The following ENTREP2 variants were observed in gnomAD, a reference collection of about 807,000 sequenced individuals.
ENTREP2 encodes the protein protein ENTREP2.
the ENTREP2 span, chr15:29,196,681 C>T: frequency 8.3e-7 from 1 of 1,206,878 alleles, no homozygotes; most frequent in Non-Finnish European, 1.1e-6. Context: ...GAGCCTGTTT[C>T]AGTGTGTTTA....
the ENTREP2 span, among the ~76,000 whole-genome samples, chr15:29,159,538 G>A: frequency 1.3e-5 from 2 of 152,158 alleles, no homozygotes; most frequent in East Asian, 1.9e-4. Context: ...AGAGCCGATT[G>A]GTCCATTTTA....
the ENTREP2 span, among the ~76,000 whole-genome samples, chr15:29,654,992 C>T: frequency 7.9e-5 from 12 of 152,170 alleles, no homozygotes; most frequent in Non-Finnish European, 1.5e-4. Flanking sequence ...GTTTCTATCT[C>T]TGTTTCTATT....
the ENTREP2 span, among the ~76,000 whole-genome samples, chr15:29,144,067 C>T: frequency 8.5e-5 from 13 of 152,100 alleles, no homozygotes; most frequent in Admixed American, 2.0e-4. Flanking sequence ...AGGGAAGTGA[C>T]GCACTCCAAA....
chr15:29,343,033 G>GGGGC, the ENTREP2 span, among the ~76,000 whole-genome samples: 3 of 148,034 alleles, frequency 2.0e-5, no homozygotes, highest in Admixed American at 6.8e-5. Context: ...GGAATGGGGG[G>GGGGC]GGTGGTTCTT....
At chr15:29,246,640 C>T in the ENTREP2 span, among the ~76,000 whole-genome samples, 1 of 151,730 alleles carries the variant, frequency 6.6e-6, no homozygotes, top group African/African-American at 2.4e-5. Context: ...GTGGAGGTTG[C>T]AGTGAGCTGA....
At chr15:29,134,885 G>A in the ENTREP2 span, among the ~76,000 whole-genome samples, 1 of 152,138 alleles carries the variant, frequency 6.6e-6, no homozygotes, top group Non-Finnish European at 1.5e-5. Flanking sequence ...TGAACCCTGT[G>A]CTAGGGTGTC....
chr15:29,544,434 G>A, the ENTREP2 span, among the ~76,000 whole-genome samples: 1 of 151,750 alleles, frequency 6.6e-6, no homozygotes, highest in Non-Finnish European at 1.5e-5. Flanking sequence ...TGGCTGCACA[G>A]CCATGTGAAT....
chr15:29,550,404 TC>T, the ENTREP2 span, among the ~76,000 whole-genome samples: 3 of 152,210 alleles, frequency 2.0e-5, no homozygotes. Context: ...GCTCATTTAT[TC>T]CATTTATTGC....
the ENTREP2 span, among the ~76,000 whole-genome samples, chr15:29,218,048 C>A: frequency 6.6e-6 from 1 of 152,172 alleles, no homozygotes; most frequent in South Asian, 2.1e-4. Flanking sequence ...CAAGTTCTAT[C>A]AGGCTCCAGG....
chr15:29,541,160 A>G, the ENTREP2 span, among the ~76,000 whole-genome samples: 1 of 152,274 alleles, frequency 6.6e-6, no homozygotes, highest in South Asian at 2.1e-4. Flanking sequence ...GCATTTGGAC[A>G]TAATGTGGAT....
chr15:29,396,996 C>T, the ENTREP2 span, among the ~76,000 whole-genome samples: 1 of 151,924 alleles, frequency 6.6e-6, no homozygotes, highest in South Asian at 2.1e-4. Context: ...TCCCACAAAC[C>T]AAAATACATT....
the ENTREP2 span, among the ~76,000 whole-genome samples, chr15:29,642,537 A>T: frequency 6.8e-6 from 1 of 147,936 alleles, no homozygotes; most frequent in Non-Finnish European, 1.5e-5. Flanking sequence ...CATATATATC[A>T]TATGTACATA....
the ENTREP2 span, among the ~76,000 whole-genome samples, chr15:29,222,157 C>T: frequency 6.2e-3 from 940 of 152,268 alleles, 7 homozygotes; most frequent in African/African-American, 0.021. Flanking sequence ...GCTGATAAAA[C>T]AGTTTGCAGT....
the ENTREP2 span, among the ~76,000 whole-genome samples, chr15:29,379,668 ACTC>A: frequency 6.6e-6 from 1 of 151,936 alleles, no homozygotes; most frequent in South Asian, 2.1e-4. Context: ...TCCCTGGGAC[ACTC>A]CTCAGCCACC....
chr15:29,593,139 C>T, the ENTREP2 span, among the ~76,000 whole-genome samples: 1 of 152,188 alleles, frequency 6.6e-6, no homozygotes, highest in Non-Finnish European at 1.5e-5. Flanking sequence ...TACTTACTAG[C>T]ACTGCTCTAG....
At chr15:29,562,702 C>T in the ENTREP2 span, among the ~76,000 whole-genome samples, 1 of 152,140 alleles carries the variant, frequency 6.6e-6, no homozygotes, top group Non-Finnish European at 1.5e-5. Flanking sequence ...CTTCAAATGA[C>T]TAGGACTTTT....
the ENTREP2 span, among the ~76,000 whole-genome samples, chr15:29,645,943 G>A: frequency 6.6e-6 from 1 of 152,160 alleles, no homozygotes; most frequent in African/African-American, 2.4e-5. Flanking sequence ...AATAAGACAT[G>A]ATTTATTTCA....
chr15:29,140,429 C>T, the ENTREP2 span, among the ~76,000 whole-genome samples: 1 of 152,186 alleles, frequency 6.6e-6, no homozygotes, highest in African/African-American at 2.4e-5. Flanking sequence ...GGTCGCCATC[C>T]TGCTACCACA....
the ENTREP2 span, among the ~76,000 whole-genome samples, chr15:29,403,269 A>T: frequency 6.6e-6 from 1 of 152,126 alleles, no homozygotes; most frequent in Admixed American, 6.5e-5. Flanking sequence ...TCCAACCAGG[A>T]CCCAAACGTA....
Sources: gnomAD v4.1 joint callset for allele counts (sites outside exome capture counted in the v4.1 genomes callset) on GRCh38, gnomAD v4.1.1 for gene constraint, MANE v1.5 for transcripts, NCBI Gene and HGNC (gene_info 2026-07-23, HGNC 2026-07-21) for gene names.